The following ITPR3 variants were observed in gnomAD, a reference collection of about 807,000 sequenced individuals.
ITPR3 encodes the protein inositol 1,4,5-trisphosphate receptor type 3.
In ITPR3, 173 loss-of-function variants were observed where a neutral mutation model predicts 293.2. That is an observed-to-expected ratio of 0.59 (90% CI 0.52 to 0.67). The LOEUF (loss-of-function observed/expected upper bound fraction) is 0.67. ITPR3 is among the 30% of genes least tolerant of loss of function. The probability of loss-of-function intolerance (pLI) is 0.00; values close to 1 mark genes in which losing one functional copy is unlikely to be tolerated. For missense variants in ITPR3, 2,796 were observed against 3,592.1 expected (o/e 0.78, Z 5.66); for synonymous variants, 1,295 against 1,444.4 (o/e 0.90, Z 2.35).
In ITPR3 at chr6:33,693,678, T is replaced by C. The variant is rs1411582425; in HGVS notation, c.7758T>C (p.Pro2586=). The C allele has an allele frequency of 6.2e-6, 10 of 1,614,050 alleles. No homozygotes were observed. The highest frequency in any genetic ancestry group is 6.8e-6 in the Non-Finnish European group (8 of 1,180,020). The change falls in exon 56 of 58, where the codon CCT becomes CCC. Residue 2586 remains proline (P), a synonymous_variant. Coordinates refer to ENST00000605930, the MANE Select transcript of ITPR3 (RefSeq NM_002224.4). ...AGAACAAGACCGACTACACGGGCCC[T>C]GAGAGCTACGTGGCCCAGATGATCA... ...RVKNKTDYTG[P]ESYVAQMIKN...
rs375454990 is a variant in ITPR3, at chr6:33,691,840, C to A, written c.7370C>A (p.Thr2457Asn). The change falls in exon 54 of 58, where the codon ACT (threonine) becomes AAT (asparagine). Residue 2457 changes from threonine (T) to asparagine (N), a missense_variant. Transcript: ENST00000605930. This position sits in a 1 kb window ranked among gnomAD's most constrained non-coding sequence, Gnocchi z 4.9. ...GACAGCACAGAGCGGGCCTGTGACA[C>A]TCTGTTGATGTGCATCGTCACTGTC... ...ELDSTERACD[T>N]LLMCIVTVMN... 3 of 1,614,098 alleles carry A rather than the reference C, an allele frequency of 1.9e-6. No homozygotes were observed. In the South Asian group the frequency reaches 3.3e-5, roughly 18 times the overall value.
At position 33,683,207 on chromosome 6, in the gene ITPR3, C is replaced by T. The variant is rs868072999; in HGVS notation, c.4598C>T (p.Ala1533Val). The T allele has an allele frequency of 1.3e-6, 2 of 1,518,846 alleles. No homozygotes were observed. The highest frequency in any genetic ancestry group is 1.8e-6 in the Non-Finnish European group (2 of 1,124,150). 94.1% of individuals were successfully genotyped at this position (1,518,846 alleles called of 1,614,324 possible). A position where few individuals can be genotyped will look rare whatever the true frequency, so the allele number is the denominator to read the frequency against. ...EACIRTLAMVAKGRAILLPMD... is the reference protein window; with the variant it reads ...EACIRTLAMVVKGRAILLPMD... ...CAGCACTCCCTCCCTTCCCACCCAG[C>T]CAAGGGCCGGGCCATCTTGCTGCCC... is the stretch of plus-strand genomic sequence containing the variant. The change falls in exon 35 of 58, where the codon GCC becomes GTC. Residue 1533 changes from alanine (A) to valine (V), a missense_variant and splice_region_variant. This residue lies in a region of ITPR3 where 704 missense variants were observed against 797.5 expected (regional missense o/e 0.88). Coordinates refer to ENST00000605930, the MANE Select transcript of ITPR3 (RefSeq NM_002224.4). This position sits in a 1 kb window ranked among gnomAD's most constrained non-coding sequence, Gnocchi z 4.5.
At chr6:33,674,038 G>C (rs927580331) in intron 23 of ITPR3, among the ~76,000 whole-genome samples, 170 bp from the exon 24 acceptor site, 4 of 152,132 alleles carry the variant, frequency 2.6e-5, no homozygotes, top group Non-Finnish European at 5.9e-5. Flanking sequence ...CCCTGCAGGG[G>C]AGTAGGGGGC....
rs773636594 is a variant in ITPR3 at position 33,691,004 on chromosome 6, C to T, written c.7120C>T (p.Leu2374=). The T allele has an allele frequency of 1.6e-5, 26 of 1,614,092 alleles. No individual in the cohort carries two copies. The highest frequency in any genetic ancestry group is 8.5e-7 in the Non-Finnish European group (1 of 1,180,044). ...TGGCCGCTCCATCCTGCTGACAGCC[C>T]TGCTGGCCCTCATCCTGGTCTACCT... The part of the protein sequence containing the change: ...RNGRSILLTA[L]LALILVYLFS... Residue 2374 remains leucine (L), a synonymous_variant, in exon 52 of 58, where the codon CTG becomes TTG. Coordinates refer to ENST00000605930, the MANE Select transcript of ITPR3 (RefSeq NM_002224.4). The surrounding 1 kb of genome is among the most constrained non-coding windows in gnomAD (Gnocchi z 4.9).
In ITPR3 at chr6:33,653,626, C is replaced by G. The variant is rs535358954; in HGVS notation, c.161-2140C>G. ...AAAATTTGTGCCTCTGTGTATAGCTCTAGGCCCAGAACACTGCTCATAGAT... is the reference window on the plus strand; with the variant it reads ...AAAATTTGTGCCTCTGTGTATAGCTGTAGGCCCAGAACACTGCTCATAGAT... On this transcript the variant is annotated intron_variant, in intron 2 of 57. Coordinates refer to ENST00000605930, the MANE Select transcript of ITPR3 (RefSeq NM_002224.4). Among the ~76,000 whole-genome samples the G allele has an allele frequency of 3.3e-5, 5 of 152,316 alleles. No homozygotes were observed. The South Asian group carries it at 1.0e-3, about 32-fold the overall frequency.
Position 33,687,184 on chromosome 6 carries a change from C to G in ITPR3, c.6076-42C>G, listed in dbSNP as rs1305253178. ...GGGATGAGGGCCCGGCTGGCCCTAC[C>G]GCCCTAGGAAGAGAGCATTGGAACA... is the stretch of plus-strand genomic sequence containing the variant. On this transcript the variant is annotated intron_variant, in intron 44 of 57. Transcript: ENST00000605930. This position sits in a 1 kb window ranked among gnomAD's most constrained non-coding sequence, Gnocchi z 5.3. 1.9e-6 allele frequency: 3 copies of G among 1,591,502 alleles called. No homozygotes were observed. Among genetic ancestry groups the G allele is most frequent in the Non-Finnish European group, 2.6e-6 (3 of 1,160,258 alleles).
intron 30 of ITPR3, 57 bp downstream of exon 30, chr6:33,678,896 G>C: frequency 1.3e-6 from 2 of 1,537,648 alleles, no homozygotes; most frequent in Non-Finnish European, 1.8e-6. Context: ...CGGAGCAGAG[G>C]CTTGGCGGGA....
Position 33,678,903 on chromosome 6 carries a change from G to A in ITPR3, c.3972+64G>A, listed in dbSNP as rs76124742. 4,004 of 1,507,268 alleles carry A rather than the reference G, an allele frequency of 2.7e-3. 84 individuals carry two copies. The African/African-American group carries it at 0.045, about 17-fold the overall frequency. 93.4% of individuals were successfully genotyped at this position (1,507,268 alleles called of 1,614,324 possible). Reference sequence around the variant, plus strand: ...TGGGGGACCGGAGCAGAGGCTTGGCGGGAAGGCCACAGAGTTAGAGAAGTC... The same window carrying A: ...TGGGGGACCGGAGCAGAGGCTTGGCAGGAAGGCCACAGAGTTAGAGAAGTC... On this transcript the variant is annotated intron_variant, in intron 30 of 57. Transcript: ENST00000605930.
At chr6:33,673,819 AGTC>A in intron 23 of ITPR3, 99 bp downstream of exon 23, 1 of 1,368,512 alleles carries the variant, frequency 7.3e-7, no homozygotes, top group Non-Finnish European at 1.0e-6. Context: ...TCCTTTTTCT[AGTC>A]TGCAAAGGCC....
chr6:33,634,535 C>G (rs1763774312), intron 1 of ITPR3, among the ~76,000 whole-genome samples: 1 of 152,194 alleles, frequency 6.6e-6, no homozygotes, highest in African/African-American at 2.4e-5. Flanking sequence ...AGCTGCACAT[C>G]TGGGATGTTT....
At chr6:33,674,370 C>A in intron 24 of ITPR3, 105 bp downstream of exon 24, 1 of 1,078,700 alleles carries the variant, frequency 9.3e-7, no homozygotes, top group South Asian at 1.5e-5. Flanking sequence ...TTCCTCTCTG[C>A]CATTCCCTCT....
At chr6:33,661,745 A>G (rs1287102045) in intron 7 of ITPR3, among the ~76,000 whole-genome samples, 1 of 152,104 alleles carries the variant, frequency 6.6e-6, no homozygotes, top group African/African-American at 2.4e-5. Flanking sequence ...CTGTAATCCT[A>G]GCACTTTGGG....
chr6:33,684,800 G>T lies in ITPR3; in HGVS notation c.5164G>T (p.Ala1722Ser), dbSNP rs756479384. ...CCTGGACCCAGACTGGTCGGCAATC[G>T]CAGCCACCCAGTGCCGGCTGGACAA... ...TGLDPDWSAI[A>S]ATQCRLDKEG... is the part of the protein sequence containing the mutation. Residue 1722 changes from alanine to serine, a missense_variant, in exon 39 of 58, where the codon GCA (alanine) becomes TCA (serine). Physicochemically the swap from Ala to Ser is moderately conservative, Grantham distance 99. This residue lies in a region of ITPR3 where 704 missense variants were observed against 797.5 expected (regional missense o/e 0.88). Transcript: ENST00000605930. The surrounding 1 kb of genome is among the most constrained non-coding windows in gnomAD (Gnocchi z 4.2). 1.2e-6 allele frequency: 2 copies of T among 1,612,716 alleles called. No homozygotes were observed. Among genetic ancestry groups the T allele is most frequent in the South Asian group, 1.1e-5 (1 of 90,912 alleles).
chr6:33,692,057 C>T lies in ITPR3; in HGVS notation c.7458+129C>T, dbSNP rs956875149. ...TGAACCCCCTCCCCCGAACTTGTAT[C>T]CACTTTTCCCTGCTTTCCACACCTG... On this transcript the variant is annotated intron_variant, in intron 54 of 57. Transcript: ENST00000605930. This position sits in a 1 kb window ranked among gnomAD's most constrained non-coding sequence, Gnocchi z 4.2. The T allele has an allele frequency of 4.1e-6, 5 of 1,229,390 alleles. No individual in the cohort carries two copies. Among genetic ancestry groups the T allele is most frequent in the Non-Finnish European group, 5.8e-6 (5 of 858,054 alleles). The allele number at this position is 1,229,390 out of a possible 1,614,324, so 76.2% of individuals were successfully genotyped here. A position where few individuals can be genotyped will look rare whatever the true frequency, so the allele number is the denominator to read the frequency against.
In ITPR3 at chr6:33,692,744, C is replaced by T. The variant is rs1418918610; in HGVS notation, c.7475C>T (p.Ala2492Val). Reference sequence around the variant, plus strand: ...CCCCTGCAGGAGTCTCTCTTCCCAGCCCGAGTGGTCTATGACCTCCTGTTC... The same window carrying T: ...CCCCTGCAGGAGTCTCTCTTCCCAGTCCGAGTGGTCTATGACCTCCTGTTC... Reference protein sequence around the residue: ...KPSKDESLFPARVVYDLLFFF... With the variant: ...KPSKDESLFPVRVVYDLLFFF... The change falls in exon 55 of 58, where the codon GCC becomes GTC. Residue 2492 changes from alanine (A) to valine (V), a missense_variant. Physicochemically the swap from Ala to Val is moderately conservative, Grantham distance 64. Transcript: ENST00000605930. The surrounding 1 kb of genome is among the most constrained non-coding windows in gnomAD (Gnocchi z 4.2). 6.2e-7 allele frequency: 1 copy of T among 1,614,110 alleles called. No homozygotes were observed. Among genetic ancestry groups the T allele is most frequent in the Non-Finnish European group, 8.5e-7 (1 of 1,179,984 alleles).
chr6:33,680,058 T>C lies in ITPR3; in HGVS notation c.4149T>C (p.Thr1383=), dbSNP rs768444234. ...AACAEGKNVY[T]EIKCTSLLPL... ...GTGCCGAGGGCAAAAACGTCTACAC[T>C]GAGATCAAGTGCACCTCCCTGCTGC... Residue 1383 remains threonine (T), a synonymous_variant, in exon 31 of 58, where the codon ACT becomes ACC. Transcript: ENST00000605930. 9 of 1,613,790 alleles carry C rather than the reference T, an allele frequency of 5.6e-6. No individual in the cohort carries two copies. The South Asian group carries it at 9.9e-5, about 18-fold the overall frequency.
intron 1 of ITPR3, among the ~76,000 whole-genome samples, chr6:33,637,321 A>G (rs1167645934): frequency 6.6e-6 from 1 of 152,194 alleles, no homozygotes; most frequent in Non-Finnish European, 1.5e-5. Flanking sequence ...ATTTGCTAGA[A>G]TGGCTCACAG....
chr6:33,695,790 C>G lies in ITPR3; in HGVS notation c.*10C>G. On this transcript the variant is annotated 3_prime_UTR_variant, in exon 58 of 58. Coordinates refer to ENST00000605930, the MANE Select transcript of ITPR3 (RefSeq NM_002224.4). ...CTGCATTAGCCGCTGAGGAGAGCCA[C>G]CGAAGGCCCCAACAGGGGATGCTCA... 6.2e-7 allele frequency: 1 copy of G among 1,613,780 alleles called. No individual in the cohort carries two copies. The highest frequency in any genetic ancestry group is 1.1e-5 in the South Asian group (1 of 91,084).
rs754965394 is a variant in ITPR3, at chr6:33,684,187, C to T, written c.4937+19C>T. The T allele has an allele frequency of 1.9e-6, 3 of 1,608,322 alleles. No homozygotes were observed. In the South Asian group the frequency reaches 3.3e-5, roughly 18 times the overall value. On this transcript the variant is annotated intron_variant, in intron 36 of 57. Coordinates refer to ENST00000605930, the MANE Select transcript of ITPR3 (RefSeq NM_002224.4). The surrounding 1 kb of genome is among the most constrained non-coding windows in gnomAD (Gnocchi z 4.2). Reference sequence around the variant, plus strand: ...TGTCCAAGTGAGCGAGACACTGGGGCATGGGGGCAGCAGGGGTGCAGCGGC... The same window carrying T: ...TGTCCAAGTGAGCGAGACACTGGGGTATGGGGGCAGCAGGGGTGCAGCGGC...
Sources: allele counts gnomAD v4.1 joint callset (sites outside exome capture counted in the v4.1 genomes callset), GRCh38; gene constraint gnomAD v4.1.1; regional missense constraint gnomAD v4.1.1; non-coding constraint Gnocchi (gnomAD v3.1); transcripts MANE v1.5; gene names NCBI Gene and HGNC (gene_info 2026-07-23, HGNC 2026-07-21).